UBR1: variants seen among roughly 807,000 people sequenced by gnomAD.
UBR1 encodes ubiquitin protein ligase E3 component n-recognin 1.
A neutral mutation model predicts 242.1 loss-of-function variants in UBR1; 102 were observed. The observed-to-expected ratio is 0.42, with a 90% CI of 0.36 to 0.50. The LOEUF (loss-of-function observed/expected upper bound fraction) is 0.50. Among genes scored for constraint, UBR1 ranks in the 20% least tolerant of loss-of-function variants. The pLI is 0.01. For synonymous variants in UBR1, 675 were observed against 684.8 expected, an observed-to-expected ratio of 0.99 and a Z score of 0.22; for missense variants, 1,772 against 2,101.8, an observed-to-expected ratio of 0.84 and a Z score of 3.07.
intron 29 of UBR1, among the ~76,000 whole-genome samples, chr15:43,014,937 C>T (rs944890313): frequency 4.0e-5 from 6 of 148,436 alleles, no homozygotes; most frequent in Non-Finnish European, 7.5e-5. Flanking sequence ...TGTGGGTCAG[C>T]CCCCGCCCGG....
intron 10 of UBR1, among the ~76,000 whole-genome samples, chr15:43,057,145 A>C (rs1026793846): frequency 1.2e-4 from 19 of 152,238 alleles, no homozygotes; most frequent in African/African-American, 4.6e-4. Flanking sequence ...GCTTTTGTAT[A>C]AGAAAACAAA....
chr15:43,004,942 C>G (rs1318234767), intron 30 of UBR1, among the ~76,000 whole-genome samples: 1 of 151,724 alleles, frequency 6.6e-6, no homozygotes, highest in Admixed American at 6.6e-5. Flanking sequence ...AGGAGTGTCT[C>G]TGCCCGGCAC....
At chr15:43,090,533 C>A (rs918824261) in intron 1 of UBR1, among the ~76,000 whole-genome samples, 1 of 151,910 alleles carries the variant, frequency 6.6e-6, no homozygotes, top group Non-Finnish European at 1.5e-5. Flanking sequence ...CTCTACATAC[C>A]TGGCAACAAC....
At chr15:42,991,003 G>C (rs1190336832) in intron 33 of UBR1, among the ~76,000 whole-genome samples, 3 of 150,816 alleles carry the variant, frequency 2.0e-5, no homozygotes, top group African/African-American at 7.3e-5. Context: ...AGCTGGGCAT[G>C]ATGGCTCAAA....
intron 12 of UBR1, among the ~76,000 whole-genome samples, chr15:43,049,278 T>A (rs991588767): frequency 6.6e-6 from 1 of 152,058 alleles, no homozygotes; most frequent in African/African-American, 2.4e-5. Context: ...AAATAATGTA[T>A]AAAAGAGGTA....
At chr15:43,054,679 G>T in intron 12 of UBR1, 63 bp downstream of exon 12, 1 of 1,568,720 alleles carries the variant, frequency 6.4e-7, no homozygotes, top group Non-Finnish European at 8.8e-7. Context: ...TTACTTATAA[G>T]ACACAGCAAA....
chr15:43,103,979 G>C lies in UBR1; in HGVS notation c.81+1963C>G, dbSNP rs1259458173. Among the ~76,000 whole-genome samples the C allele has an allele frequency of 2.6e-5, 4 of 152,290 alleles. No homozygotes were observed. In the East Asian group the frequency reaches 7.7e-4, roughly 29 times the overall value. Reference sequence around the variant, plus strand: ...ATCTGTAGGGTCTTCAGTAGACAGAGAGATCCAAGCCAAAAAAGGGGTTAT... The same window carrying C: ...ATCTGTAGGGTCTTCAGTAGACAGACAGATCCAAGCCAAAAAAGGGGTTAT... On this transcript the variant is annotated intron_variant, in intron 1 of 46. Transcript: ENST00000290650.
chr15:43,007,346 G>C, intron 29 of UBR1, 62 bp from the exon 30 acceptor site: 1 of 1,508,792 alleles, frequency 6.6e-7, no homozygotes, highest in African/African-American at 1.4e-5. Flanking sequence ...TCATATTTTG[G>C]TAGATTTTAA....
chr15:42,997,921 ACTGC>A (rs900894827), intron 33 of UBR1, among the ~76,000 whole-genome samples: 4 of 152,186 alleles, frequency 2.6e-5, no homozygotes, highest in African/African-American at 9.7e-5. Context: ...AAGCAGTTTG[ACTGC>A]TTGGAATAAT....
At chr15:43,003,422 A>G (rs1218813091) in intron 31 of UBR1, 1 of 259,566 alleles carries the variant, frequency 3.9e-6, no homozygotes, top group East Asian at 1.0e-4. Context: ...CACTCAGCTA[A>G]TTTTTGTATT....
chr15:42,976,687 TCA>T lies in UBR1; in HGVS notation c.4369+28_4369+29del, dbSNP rs58340640. 3.0e-3 allele frequency: 4,822 copies of T among 1,613,562 alleles called. 78 individuals carry two copies. The African/African-American group carries it at 0.042, about 14-fold the overall frequency. On this transcript the variant is annotated intron_variant, in intron 39 of 46. Coordinates refer to ENST00000290650, the MANE Select transcript of UBR1 (RefSeq NM_174916.3). Reference sequence around the variant, plus strand: ...CCAGTAAAGCATGGCAAAATGTTATTCACAGTCAACACCCAGATGAAAACCTT... The same window carrying T: ...CCAGTAAAGCATGGCAAAATGTTATTCAGTCAACACCCAGATGAAAACCTT...
intron 25 of UBR1, 48 bp from the exon 26 acceptor site, chr15:43,022,849 AAT>A: frequency 8.3e-7 from 1 of 1,199,622 alleles, no homozygotes; most frequent in Non-Finnish European, 1.2e-6. Context: ...TCTTCAGGTA[AAT>A]ATATTTTTAA....
At chr15:42,965,464 C>CTTT (rs72143292) in intron 41 of UBR1, among the ~76,000 whole-genome samples, 3 of 136,238 alleles carry the variant, frequency 2.2e-5, no homozygotes, top group Non-Finnish European at 3.2e-5. Context: ...GTCATATGTA[C>CTTT]TTTTTTTTTT....
Position 42,954,604 on chromosome 15 carries a change from G to T in UBR1, c.4836-2156C>A, listed in dbSNP as rs575205928. ...TTATTTTTTGAGACAGTCTTACTCT[G>T]TTGCCCAGGCTGAAGTGCAGTGGTG... On this transcript the variant is annotated intron_variant, in intron 44 of 46. Transcript: ENST00000290650. Among the ~76,000 whole-genome samples the T allele has an allele frequency of 4.6e-5, 7 of 152,210 alleles. No individual in the cohort carries two copies. The South Asian group carries it at 1.5e-3, about 32-fold the overall frequency.
intron 6 of UBR1, among the ~76,000 whole-genome samples, chr15:43,060,558 G>A (rs772987873): frequency 2.2e-4 from 34 of 152,120 alleles, no homozygotes; most frequent in Non-Finnish European, 4.3e-4. Flanking sequence ...ACCAGTCCTG[G>A]AGGCGGTCAT....
At chr15:43,018,945 ACTTT>A (rs1596104202) in intron 27 of UBR1, among the ~76,000 whole-genome samples, 1 of 152,252 alleles carries the variant, frequency 6.6e-6, no homozygotes, top group East Asian at 1.9e-4. Context: ...ACCTCGATTT[ACTTT>A]CTTAATAGTT....
At position 43,067,964 on chromosome 15, in the gene UBR1, G is replaced by A; in HGVS notation, c.732C>T (p.Ser244=). 1.9e-6 allele frequency: 3 copies of A among 1,613,344 alleles called. No individual in the cohort carries two copies. Among genetic ancestry groups the A allele is most frequent in the Non-Finnish European group, 2.5e-6 (3 of 1,179,676 alleles). Residue 244 remains serine (S), a synonymous_variant, in exon 6 of 47, where the codon AGC becomes AGT. Transcript: ENST00000290650. ...GCTCACAGTCAAGAGCTCTTTGTAG[G>A]CTGTATATGACGTGGTCATATGAAT... is the stretch of plus-strand genomic sequence containing the variant. ...EHHSYDHVIY[S]LQRALDCELA...
intron 25 of UBR1, 49 bp from the exon 26 acceptor site, chr15:43,022,850 A>C (rs1426396737): frequency 3.4e-6 from 4 of 1,189,200 alleles, no homozygotes; most frequent in Non-Finnish European, 4.9e-6. Context: ...CTTCAGGTAA[A>C]TATATTTTTA....
At chr15:43,056,069 T>C (rs1013116385) in intron 11 of UBR1, among the ~76,000 whole-genome samples, 1 of 152,202 alleles carries the variant, frequency 6.6e-6, no homozygotes, top group Non-Finnish European at 1.5e-5. Context: ...CTACAAACAA[T>C]AACTTAAAAA....
Sources: allele counts gnomAD v4.1 joint callset (sites outside exome capture counted in the v4.1 genomes callset), GRCh38; gene constraint gnomAD v4.1.1; transcripts MANE v1.5; gene names NCBI Gene and HGNC (gene_info 2026-07-23, HGNC 2026-07-21).